ECD: variants seen among roughly 807,000 people sequenced by gnomAD.
The protein encoded by ECD is protein ecdysoneless homolog.
In ECD, 59 loss-of-function variants were observed where a neutral mutation model predicts 77.2. That is an observed-to-expected ratio of 0.76 (90% confidence interval 0.62 to 0.95). ECD has a LOEUF of 0.95. Ranked by LOEUF, ECD falls within the 40% of genes least tolerant of loss-of-function variation. The probability of loss-of-function intolerance (pLI) is 0.00; values close to 1 mark genes in which losing one functional copy is unlikely to be tolerated. For synonymous variants in ECD, 233 were observed against 267.4 expected (o/e 0.87, Z 1.26); for missense variants, 704 against 763.4 (o/e 0.92, Z 0.92).
At chr10:73,139,832 A>T in intron 9 of ECD, 95 bp from the exon 10 acceptor site, 8 of 755,128 alleles carry the variant, frequency 1.1e-5, no homozygotes, top group South Asian at 2.2e-5. Context: ...GGGATTAGCT[A>T]GTCTAATTTG....
At chr10:73,165,199 C>G (rs1475719428) in intron 1 of ECD, among the ~76,000 whole-genome samples, 1 of 152,148 alleles carries the variant, frequency 6.6e-6, no homozygotes, top group Non-Finnish European at 1.5e-5. Flanking sequence ...ACAGAATGTA[C>G]ATCTCTCTCT....
intron 3 of ECD, among the ~76,000 whole-genome samples, chr10:73,158,660 C>G (rs556405883): frequency 1.3e-5 from 2 of 151,850 alleles, no homozygotes; most frequent in South Asian, 2.1e-4. Flanking sequence ...TGCTTGAGCC[C>G]GGGAGGCAGA....
At chr10:73,139,806 T>C in intron 9 of ECD, 69 bp from the exon 10 acceptor site, 2 of 1,128,306 alleles carry the variant, frequency 1.8e-6, no homozygotes, top group East Asian at 4.9e-5. Flanking sequence ...AAATACATAG[T>C]ATTTTAAGGT....
At chr10:73,138,846 T>C (rs1009609324) in intron 11 of ECD, among the ~76,000 whole-genome samples, 3 of 152,254 alleles carry the variant, frequency 2.0e-5, no homozygotes, top group African/African-American at 4.8e-5. Context: ...ATTACAGGCA[T>C]GAGCCACCGC....
At chr10:73,156,150 T>C (rs1489166517) in intron 5 of ECD, 125 bp downstream of exon 5, 13 of 746,492 alleles carry the variant, frequency 1.7e-5, no homozygotes, top group Non-Finnish European at 2.4e-5. Flanking sequence ...AGGTATTTTA[T>C]AGTCAAAGAA....
chr10:73,143,540 T>G (rs1450163018), intron 9 of ECD, among the ~76,000 whole-genome samples: 1 of 152,198 alleles, frequency 6.6e-6, no homozygotes, highest in Non-Finnish European at 1.5e-5. Context: ...CTTTTTCATT[T>G]TCATTTTTAA....
At chr10:73,151,503 G>A (rs556245015) in intron 7 of ECD, among the ~76,000 whole-genome samples, 1 of 149,080 alleles carries the variant, frequency 6.7e-6, no homozygotes, top group Admixed American at 6.6e-5. Flanking sequence ...TTGTGCACAT[G>A]TACCCTAAAA....
At chr10:73,166,511 T>C (rs1212178043) in intron 1 of ECD, among the ~76,000 whole-genome samples, 1 of 152,234 alleles carries the variant, frequency 6.6e-6, no homozygotes, top group Non-Finnish European at 1.5e-5. Context: ...CCATTTTAAC[T>C]GGGGTGAGAT....
chr10:73,135,368 T>A (rs1340407039), intron 13 of ECD, among the ~76,000 whole-genome samples: 2 of 152,162 alleles, frequency 1.3e-5, no homozygotes, highest in African/African-American at 2.4e-5. Flanking sequence ...ATGTCCTTGC[T>A]ACCCAAAGCA....
chr10:73,139,842 G>A, intron 9 of ECD, 105 bp from the exon 10 acceptor site: 1 of 724,996 alleles, frequency 1.4e-6, no homozygotes, highest in Non-Finnish European at 2.1e-6. Context: ...AGTCTAATTT[G>A]GGGAGTGTTT....
At position 73,137,603 on chromosome 10, in the gene ECD, G is replaced by A. The variant is rs539561104; in HGVS notation, c.1489+400C>T. On this transcript the variant is annotated intron_variant, in intron 12 of 13. Coordinates refer to ENST00000372979, the MANE Select transcript of ECD (RefSeq NM_007265.3). ...ATCCTGGCTAACACGGTGAAACCCC[G>A]TCTCTACTAAAAATACAAAAAAATT... 1.4e-4 allele frequency among the ~76,000 whole-genome samples: 21 copies of A among 151,938 alleles called. No homozygotes were observed. In the South Asian group the frequency reaches 3.3e-3, roughly 24 times the overall value.
At chr10:73,151,101 C>A (rs1177608136) in intron 7 of ECD, among the ~76,000 whole-genome samples, 1 of 152,032 alleles carries the variant, frequency 6.6e-6, no homozygotes, top group East Asian at 1.9e-4. Flanking sequence ...GCACTATTCA[C>A]AATAGCAAAG....
intron 11 of ECD, among the ~76,000 whole-genome samples, chr10:73,138,489 A>G (rs1376488069): frequency 2.6e-5 from 4 of 152,228 alleles, no homozygotes; most frequent in African/African-American, 7.2e-5. Flanking sequence ...AATACCAAAT[A>G]TAAATTTATA....
At chr10:73,146,100 C>T (rs1336345951) in intron 9 of ECD, among the ~76,000 whole-genome samples, 176 bp downstream of exon 9, 3 of 149,862 alleles carry the variant, frequency 2.0e-5, no homozygotes, top group African/African-American at 7.3e-5. Context: ...GTCATCCAGG[C>T]TGGAGTGCAG....
chr10:73,156,366 T>C lies in ECD; in HGVS notation c.499A>G (p.Ile167Val). 2 of 1,613,900 alleles carry C rather than the reference T, an allele frequency of 1.2e-6. No homozygotes were observed. Among genetic ancestry groups the C allele is most frequent in the Non-Finnish European group, 1.7e-6 (2 of 1,179,954 alleles). ...GTGATTATATTCAATGCTTGTGGAA[T>C]TGTTGGGGGTGTGGTGGGTAACCAA... ...ESWLPTTPPT[I>V]PQALNIITAH... Residue 167 changes from isoleucine (I) to valine (V), a missense_variant, in exon 5 of 14, where the codon ATT becomes GTT. Ile to Val is a conservative substitution (Grantham distance 29). Around this residue, in one of 3 missense-constraint regions of ECD, gnomAD observed 559 missense variants for 583.7 expected, o/e 0.96. Coordinates refer to ENST00000372979, the MANE Select transcript of ECD (RefSeq NM_007265.3).
At chr10:73,155,642 A>G (rs1287793629) in intron 5 of ECD, among the ~76,000 whole-genome samples, 1 of 127,914 alleles carries the variant, frequency 7.8e-6, no homozygotes, top group African/African-American at 3.1e-5. Flanking sequence ...ACTGTCGCCC[A>G]GGCTGGAGTG....
In ECD at chr10:73,139,507, G is replaced by T. The variant is rs563153737; in HGVS notation, c.1235-12C>A. ...TAACCACTGGTCATCTGAAAAAGAAGAAAGCATAATACTGCCATTCTACAT... is the reference window on the plus strand; with the variant it reads ...TAACCACTGGTCATCTGAAAAAGAATAAAGCATAATACTGCCATTCTACAT... On this transcript the variant is annotated splice_polypyrimidine_tract_variant and intron_variant, in intron 10 of 13. Transcript: ENST00000372979. 4 of 1,612,088 alleles carry T rather than the reference G, an allele frequency of 2.5e-6. No homozygotes were observed. The South Asian group carries it at 3.3e-5, about 13-fold the overall frequency.
chr10:73,135,002 T>C (rs1232933951), intron 13 of ECD, among the ~76,000 whole-genome samples, 189 bp from the exon 14 acceptor site: 4 of 152,318 alleles, frequency 2.6e-5, no homozygotes, highest in South Asian at 4.1e-4. Flanking sequence ...ATAATAAAAC[T>C]TGGTTCTAAA....
intron 7 of ECD, among the ~76,000 whole-genome samples, chr10:73,149,543 A>G (rs1843175413): frequency 6.6e-6 from 1 of 152,212 alleles, no homozygotes; most frequent in African/African-American, 2.4e-5. Context: ...AATAAATTAC[A>G]TGACATATTC....
Sources: gnomAD v4.1 joint callset for allele counts (sites outside exome capture counted in the v4.1 genomes callset) on GRCh38, gnomAD v4.1.1 for gene constraint, gnomAD v4.1.1 regional missense constraint, MANE v1.5 for transcripts, NCBI Gene and HGNC (gene_info 2026-07-23, HGNC 2026-07-21) for gene names.